NEGR1: variants seen among roughly 807,000 people sequenced by gnomAD.
NEGR1 encodes neuronal growth regulator 1.
In NEGR1, 10 loss-of-function variants were observed where a neutral mutation model predicts 40.9. The ratio of observed to expected loss-of-function variants is 0.24; its 90% CI spans 0.15 to 0.42. The LOEUF (loss-of-function observed/expected upper bound fraction) is 0.42, where lower values mean the gene tolerates loss of function less well. NEGR1 is among the 10% of genes least tolerant of loss of function. NEGR1 has a pLI of 1.00. For synonymous variants in NEGR1, 185 were observed against 166.8 expected (o/e 1.11, Z -0.84); for missense variants, 352 against 438.9 (o/e 0.80, Z 1.77).
intron 2 of NEGR1, among the ~76,000 whole-genome samples, chr1:71,840,124 T>G (rs1330143294): frequency 2.0e-5 from 3 of 152,150 alleles, no homozygotes; most frequent in Admixed American, 2.0e-4. Flanking sequence ...AGTGCTTGCT[T>G]TACAGGACTA....
intron 6 of NEGR1, among the ~76,000 whole-genome samples, chr1:71,563,272 C>T (rs966710981): frequency 6.6e-5 from 10 of 151,922 alleles, no homozygotes; most frequent in African/African-American, 2.2e-4. Flanking sequence ...CCTGGAAAGA[C>T]ACATCTATGA....
chr1:71,810,769 C>A (rs1269880884), intron 2 of NEGR1, among the ~76,000 whole-genome samples: 1 of 152,020 alleles, frequency 6.6e-6, no homozygotes, highest in East Asian at 1.9e-4. Context: ...CCTGCTCCAG[C>A]CATGGAAAAT....
At chr1:72,040,577 C>CAAAAAAAAAAAAAAAAAAAAAAAA (rs5775102) in intron 1 of NEGR1, among the ~76,000 whole-genome samples, 8 of 29,704 alleles carry the variant, frequency 2.7e-4, no homozygotes, top group Admixed American at 6.3e-4. Context: ...GAGCACTGAC[C>CAAAAAAAAAAAAAAAAAAAAAAAA]AAAAAAAAAA....
At chr1:71,418,757 G>A (rs982136472) in intron 6 of NEGR1, among the ~76,000 whole-genome samples, 10 of 151,962 alleles carry the variant, frequency 6.6e-5, no homozygotes, top group Admixed American at 1.3e-4. Context: ...CCTTGCTTAG[G>A]TACTTGCTTC....
intron 1 of NEGR1, among the ~76,000 whole-genome samples, chr1:72,009,785 T>A (rs1254746589): frequency 6.6e-6 from 1 of 152,108 alleles, no homozygotes; most frequent in East Asian, 1.9e-4. Flanking sequence ...GGCCCCAACA[T>A]CTGGCAGCAT....
chr1:71,927,399 T>G (rs1421095951), intron 2 of NEGR1, among the ~76,000 whole-genome samples: 1 of 152,190 alleles, frequency 6.6e-6, no homozygotes, highest in East Asian at 1.9e-4. Flanking sequence ...TGAAGGTATA[T>G]TTGGGAAAAT....
At chr1:71,417,044 T>A (rs1646360544) in intron 6 of NEGR1, among the ~76,000 whole-genome samples, 1 of 152,206 alleles carries the variant, frequency 6.6e-6, no homozygotes, top group Non-Finnish European at 1.5e-5. Context: ...ACTCAGGTAT[T>A]CTGATTCTCT....
At chr1:71,599,431 C>T (rs1459615819) in intron 5 of NEGR1, among the ~76,000 whole-genome samples, 1 of 151,912 alleles carries the variant, frequency 6.6e-6, no homozygotes. Context: ...ACAGATTTAA[C>T]AAAAAAGAAA....
In NEGR1 at chr1:71,607,738, G is replaced by A. The variant is rs900061634; in HGVS notation, c.788+3288C>T. Among the ~76,000 whole-genome samples the A allele has an allele frequency of 4.6e-5, 7 of 151,866 alleles. No homozygotes were observed. The East Asian group carries it at 9.7e-4, about 21-fold the overall frequency. ...GAGAGAGAGTATCGCTCTGTCTCCA[G>A]GCTGGAGTGCAGTGGAGCAATCTCG... On this transcript the variant is annotated intron_variant, in intron 5 of 6. Coordinates refer to ENST00000357731, the MANE Select transcript of NEGR1 (RefSeq NM_173808.3).
chr1:71,925,840 G>A (rs893039426), intron 2 of NEGR1, among the ~76,000 whole-genome samples: 1 of 152,070 alleles, frequency 6.6e-6, no homozygotes, highest in Non-Finnish European at 1.5e-5. Flanking sequence ...TAAAATAAAT[G>A]TGCCAGCTAG....
At chr1:72,032,255 T>C (rs1646864748) in intron 1 of NEGR1, among the ~76,000 whole-genome samples, 1 of 152,176 alleles carries the variant, frequency 6.6e-6, no homozygotes, top group Admixed American at 6.5e-5. Flanking sequence ...TGGCCCATCA[T>C]AAGCATCCTA....
chr1:72,083,292 C>T (rs1648078243), intron 1 of NEGR1, among the ~76,000 whole-genome samples: 1 of 151,968 alleles, frequency 6.6e-6, no homozygotes, highest in Non-Finnish European at 1.5e-5. Context: ...CTCCCTCGCT[C>T]ATTCTCTCCC....
At position 72,083,228 on chromosome 1, in the gene NEGR1, C is replaced by T. The variant is rs1490417383; in HGVS notation, c.177-147917G>A. Among the ~76,000 whole-genome samples the T allele has an allele frequency of 2.0e-5, 3 of 147,882 alleles. No homozygotes were observed. In the East Asian group the frequency reaches 5.8e-4, roughly 29 times the overall value. The stretch of plus-strand genomic sequence containing the variant: ...TGATTGTATCTATGTGTGTCTTCCT[C>T]TCTCACTACCTTCTTCCATCCCTTC... On this transcript the variant is annotated intron_variant, in intron 1 of 6. Coordinates refer to ENST00000357731, the MANE Select transcript of NEGR1 (RefSeq NM_173808.3).
intron 6 of NEGR1, 21 bp downstream of exon 6, chr1:71,592,796 T>C: frequency 1.3e-6 from 2 of 1,596,938 alleles, no homozygotes; most frequent in Non-Finnish European, 1.7e-6. Flanking sequence ...GGAAGCATTT[T>C]GGTACCATTG....
intron 1 of NEGR1, among the ~76,000 whole-genome samples, chr1:72,114,480 GATAA>G (rs1199253196): frequency 2.0e-5 from 3 of 151,766 alleles, no homozygotes; most frequent in Admixed American, 6.6e-5. Context: ...ATGACAGATA[GATAA>G]ATAGATAGAT....
At chr1:71,864,668 C>G (rs781554227) in intron 2 of NEGR1, among the ~76,000 whole-genome samples, 8 of 152,072 alleles carry the variant, frequency 5.3e-5, no homozygotes, top group Non-Finnish European at 7.4e-5. Context: ...CAACACAAGA[C>G]AGGAGCTATT....
At chr1:72,273,556 G>A (rs962573007) in intron 1 of NEGR1, among the ~76,000 whole-genome samples, 14 of 151,768 alleles carry the variant, frequency 9.2e-5, no homozygotes, top group African/African-American at 2.4e-5. Context: ...TAAACCGACA[G>A]TAAGAATACC....
At chr1:72,221,670 A>G (rs1654015137) in intron 1 of NEGR1, among the ~76,000 whole-genome samples, 1 of 152,196 alleles carries the variant, frequency 6.6e-6, no homozygotes, top group East Asian at 1.9e-4. Context: ...CTTAAACATT[A>G]GTTGACTAAA....
intron 1 of NEGR1, among the ~76,000 whole-genome samples, chr1:72,213,630 C>T (rs1653690968): frequency 6.6e-6 from 1 of 151,576 alleles, no homozygotes; most frequent in Admixed American, 6.6e-5. Flanking sequence ...GTGGTCAACC[C>T]AGAAGTCCCA....
Sources: allele counts gnomAD v4.1 joint callset (sites outside exome capture counted in the v4.1 genomes callset), GRCh38; gene constraint gnomAD v4.1.1; transcripts MANE v1.5; gene names NCBI Gene and HGNC (gene_info 2026-07-23, HGNC 2026-07-21).